BIRC6: variants seen among roughly 807,000 people sequenced by gnomAD.
BIRC6 encodes baculoviral IAP repeat containing 6.
A neutral mutation model predicts 503.3 loss-of-function variants in BIRC6; 98 were observed. That is an observed-to-expected ratio of 0.19 (90% CI 0.17 to 0.23). The LOEUF (loss-of-function observed/expected upper bound fraction) is 0.23. BIRC6 is among the 10% of genes least tolerant of loss of function. The pLI, the probability that BIRC6 is intolerant of heterozygous loss-of-function variation, is 1.00. For missense variants in BIRC6, 5,360 were observed against 5,806.0 expected, an observed-to-expected ratio of 0.92 and a Z score of 2.50; for synonymous variants, 2,240 against 2,078.7, an observed-to-expected ratio of 1.08 and a Z score of -2.11.
chr2:32,459,590 T>G (rs557728211), intron 23 of BIRC6, among the ~76,000 whole-genome samples: 41 of 152,270 alleles, frequency 2.7e-4, no homozygotes, highest in Admixed American at 9.8e-4. Context: ...TTTTTAAAAT[T>G]TAGGGCCTTT....
At chr2:32,480,391 T>C (rs2050248261) in intron 37 of BIRC6, among the ~76,000 whole-genome samples, 1 of 152,102 alleles carries the variant, frequency 6.6e-6, no homozygotes, top group African/African-American at 2.4e-5. Context: ...TCTCTTAATT[T>C]ATTGGATTGG....
At chr2:32,411,768 C>G (rs1056887392) in intron 9 of BIRC6, among the ~76,000 whole-genome samples, 1 of 152,048 alleles carries the variant, frequency 6.6e-6, no homozygotes, top group Non-Finnish European at 1.5e-5. Flanking sequence ...TGTGGGCCAC[C>G]GCGTCTGGCC....
chr2:32,417,073 G>A (rs1319385361), intron 10 of BIRC6, among the ~76,000 whole-genome samples: 1 of 152,016 alleles, frequency 6.6e-6, no homozygotes, highest in African/African-American at 2.4e-5. Flanking sequence ...CTGACCTCAG[G>A]TGATCCACCC....
intron 65 of BIRC6, among the ~76,000 whole-genome samples, chr2:32,558,050 A>G (rs2058904393): frequency 6.6e-6 from 1 of 152,142 alleles, no homozygotes; most frequent in Non-Finnish European, 1.5e-5. Flanking sequence ...TAGTAAATGT[A>G]TTTATTATAC....
chr2:32,471,001 C>A lies in BIRC6; in HGVS notation c.6482-13C>A. On this transcript the variant is annotated splice_polypyrimidine_tract_variant and intron_variant, in intron 31 of 73. Transcript: ENST00000421745. ...CATCTGGATGTTTTTCCTTTGCTGT[C>A]ATCTCTCTCCAGGAGTACTAGATAT... 3 of 1,557,422 alleles carry A rather than the reference C, an allele frequency of 1.9e-6. No homozygotes were observed. In the South Asian group the frequency reaches 3.6e-5, roughly 18 times the overall value.
At chr2:32,407,863 T>C (rs2041411823) in intron 9 of BIRC6, among the ~76,000 whole-genome samples, 2 of 152,180 alleles carry the variant, frequency 1.3e-5, no homozygotes, top group Non-Finnish European at 2.9e-5. Context: ...AAATTGTTTT[T>C]TTTTCTTTTA....
At chr2:32,453,728 T>G in intron 22 of BIRC6, 80 bp from the exon 23 acceptor site, 1 of 1,315,194 alleles carries the variant, frequency 7.6e-7, no homozygotes, top group East Asian at 2.3e-5. Flanking sequence ...AAAATTGAAG[T>G]TGCAGCTATA....
chr2:32,436,279 C>A, intron 15 of BIRC6, 95 bp downstream of exon 15: 1 of 1,132,510 alleles, frequency 8.8e-7, no homozygotes, highest in Non-Finnish European at 1.1e-6. Flanking sequence ...AGATTGTTTT[C>A]TTTGGGACTT....
At chr2:32,407,379 A>G (rs1487277170) in intron 9 of BIRC6, among the ~76,000 whole-genome samples, 1 of 147,964 alleles carries the variant, frequency 6.8e-6, no homozygotes, top group East Asian at 2.1e-4. Context: ...CGGGAGGCGG[A>G]GATTGCAGCG....
chr2:32,523,694 T>C (rs561337102), intron 57 of BIRC6: 2 of 152,350 alleles, frequency 1.3e-5, no homozygotes, highest in South Asian at 4.1e-4. Context: ...TGTTGTTTAT[T>C]GTTTTATTGT....
At chr2:32,425,766 T>G (rs772935098) in intron 10 of BIRC6, among the ~76,000 whole-genome samples, 1 of 152,196 alleles carries the variant, frequency 6.6e-6, no homozygotes, top group Non-Finnish European at 1.5e-5. Context: ...AGCTGCAGTC[T>G]CAGAAGGGTG....
chr2:32,570,928 G>T (rs1241247381), intron 65 of BIRC6, among the ~76,000 whole-genome samples: 1 of 152,144 alleles, frequency 6.6e-6, no homozygotes, highest in East Asian at 1.9e-4. Context: ...CTCCCAAGTA[G>T]CTGGGAATAC....
chr2:32,558,140 G>A (rs1446923445), intron 65 of BIRC6, among the ~76,000 whole-genome samples: 1 of 152,116 alleles, frequency 6.6e-6, no homozygotes, highest in East Asian at 1.9e-4. Context: ...TAGTAAATGA[G>A]TGTATTTTAA....
Position 32,575,152 on chromosome 2 carries a change from A to G in BIRC6, c.13145-4A>G, listed in dbSNP as rs1191358684. The G allele has an allele frequency of 6.2e-7, 1 of 1,613,844 alleles. No homozygotes were observed. Among genetic ancestry groups the G allele is most frequent in the East Asian group, 2.2e-5 (1 of 44,872 alleles). On this transcript the variant is annotated splice_polypyrimidine_tract_variant and splice_region_variant and intron_variant, in intron 65 of 73. Coordinates refer to ENST00000421745, the MANE Select transcript of BIRC6 (RefSeq NM_016252.4). ...TTTTGTGCTTTTTCTTCTTCTCCTT[A>G]TAGTTCTGGACATGGCAAGACATGT...
chr2:32,409,045 C>T (rs1364970541), intron 9 of BIRC6, among the ~76,000 whole-genome samples: 3 of 152,178 alleles, frequency 2.0e-5, no homozygotes, highest in Non-Finnish European at 4.4e-5. Flanking sequence ...GGTACCATTT[C>T]AGACTTATCA....
chr2:32,522,525 T>G (rs890812580), intron 57 of BIRC6: 3 of 152,140 alleles, frequency 2.0e-5, no homozygotes, highest in African/African-American at 7.2e-5. Flanking sequence ...GAAATGAGAC[T>G]AAGAAACTAA....
intron 10 of BIRC6, among the ~76,000 whole-genome samples, chr2:32,417,639 A>G (rs999881586): frequency 1.3e-5 from 2 of 152,216 alleles, no homozygotes; most frequent in South Asian, 2.1e-4. Flanking sequence ...TTACGCATGC[A>G]TCTCATCTGT....
rs1167674937 is a variant in BIRC6, at chr2:32,525,477, A to G, written c.11769A>G (p.Gln3923=). Residue 3923 remains glutamine, a synonymous_variant, in exon 59 of 74, where the codon CAA becomes CAG. Transcript: ENST00000421745. ...SVVVASGLKS[Q]SKRAVSATPP... The stretch of plus-strand genomic sequence containing the variant: ...CTTTTCTTTTAGGGCTGAAGTCTCA[A>G]TCTAAACGTGCTGTGTCAGCTACAC... 5.0e-6 allele frequency: 8 copies of G among 1,613,844 alleles called. No homozygotes were observed. The highest frequency in any genetic ancestry group is 2.7e-5 in the African/African-American group (2 of 74,916).
intron 66 of BIRC6, among the ~76,000 whole-genome samples, chr2:32,588,101 T>A (rs1484611797): frequency 1.3e-5 from 2 of 152,204 alleles, no homozygotes; most frequent in Admixed American, 6.5e-5. Flanking sequence ...GGCTCACGCC[T>A]GTAATCCCAG....
Sources: allele counts gnomAD v4.1 joint callset (sites outside exome capture counted in the v4.1 genomes callset), GRCh38; gene constraint gnomAD v4.1.1; transcripts MANE v1.5; gene names NCBI Gene and HGNC (gene_info 2026-07-23, HGNC 2026-07-21).